Variants in RIMS2 observed in about 807,000 individuals in gnomAD.
RIMS2 encodes regulating synaptic membrane exocytosis 2.
A neutral mutation model predicts 174.4 loss-of-function variants in RIMS2; 59 were observed. That is an observed-to-expected ratio of 0.34 (90% CI 0.27 to 0.42). RIMS2 has a LOEUF of 0.42. Ranked by LOEUF, RIMS2 falls within the 10% of genes least tolerant of loss-of-function variation. The pLI is 1.00. For synonymous variants in RIMS2, 606 were observed against 572.5 expected (o/e 1.06, Z -0.84); for missense variants, 1,620 against 1,666.3 (o/e 0.97, Z 0.48).
chr8:103,885,074 A>C (rs899841084), intron 3 of RIMS2, among the ~76,000 whole-genome samples: 6 of 151,926 alleles, frequency 3.9e-5, no homozygotes, highest in African/African-American at 1.4e-4. Flanking sequence ...GCATAAGCAT[A>C]TTCCAGATAT....
At chr8:103,821,097 A>G (rs1296243551) in intron 3 of RIMS2, among the ~76,000 whole-genome samples, 1 of 151,584 alleles carries the variant, frequency 6.6e-6, no homozygotes, top group Admixed American at 6.6e-5. Context: ...AGGTATAGAA[A>G]TTATGCTATT....
intron 14 of RIMS2, among the ~76,000 whole-genome samples, chr8:103,944,473 G>T (rs1024719258): frequency 6.6e-6 from 1 of 151,790 alleles, no homozygotes; most frequent in African/African-American, 2.4e-5. Flanking sequence ...CTTTTCATTC[G>T]GGACTGGCCT....
chr8:104,211,767 G>T (rs2099106451), intron 19 of RIMS2, among the ~76,000 whole-genome samples: 1 of 152,136 alleles, frequency 6.6e-6, no homozygotes, highest in African/African-American at 2.4e-5. Context: ...GCCCAACTCG[G>T]CCTCCCAAAG....
At chr8:103,767,643 G>A (rs1472414009) in intron 3 of RIMS2, among the ~76,000 whole-genome samples, 1 of 152,154 alleles carries the variant, frequency 6.6e-6, no homozygotes, top group East Asian at 1.9e-4. Flanking sequence ...ATATAGTATG[G>A]TAGGTTCTTG....
intron 10 of RIMS2, among the ~76,000 whole-genome samples, chr8:103,927,597 A>G (rs1255085714): frequency 6.6e-6 from 1 of 151,526 alleles, no homozygotes; most frequent in African/African-American, 2.4e-5. Context: ...TGTTATGTGA[A>G]CTACATTTGA....
chr8:103,872,934 C>A (rs1040818669), intron 3 of RIMS2, among the ~76,000 whole-genome samples: 1 of 152,080 alleles, frequency 6.6e-6, no homozygotes, highest in African/African-American at 2.4e-5. Flanking sequence ...TTGTGTTTGC[C>A]ACATTCTGTT....
intron 1 of RIMS2, among the ~76,000 whole-genome samples, chr8:103,670,341 G>A (rs535386971): frequency 7.9e-5 from 12 of 152,354 alleles, no homozygotes; most frequent in African/African-American, 2.9e-4. Flanking sequence ...TGCTGCAAAA[G>A]TCTCTGACAT....
intron 4 of RIMS2, among the ~76,000 whole-genome samples, chr8:103,896,188 G>GA (rs749624547): frequency 9.9e-5 from 15 of 151,534 alleles, no homozygotes; most frequent in Admixed American, 1.3e-4. Context: ...CCTTAGGCTA[G>GA]AAAAATTGCT....
chr8:103,544,631 T>C (rs943204003), intron 1 of RIMS2, among the ~76,000 whole-genome samples: 1 of 152,342 alleles, frequency 6.6e-6, no homozygotes, highest in Admixed American at 6.5e-5. Context: ...CACAATGCCA[T>C]GTTCCTGTGG....
intron 3 of RIMS2, among the ~76,000 whole-genome samples, chr8:103,832,456 T>TGTTG (rs2098831789): frequency 6.6e-6 from 1 of 152,160 alleles, no homozygotes; most frequent in East Asian, 1.9e-4. Context: ...CATGGGGGTT[T>TGTTG]GTTGTACAGA....
intron 1 of RIMS2, among the ~76,000 whole-genome samples, chr8:103,657,812 T>C (rs764134434): frequency 6.6e-6 from 1 of 152,164 alleles, no homozygotes; most frequent in Non-Finnish European, 1.5e-5. Flanking sequence ...TGGGTTCTGA[T>C]TGGTTGGTAT....
At position 103,774,830 on chromosome 8, in the gene RIMS2, G is replaced by C. The variant is rs1435358685; in HGVS notation, c.698+8293G>C. ...ATAGGGGTATGGATTACTGGGTGAT[G>C]TATTTGTCAGTGGCTACTATAGCGG... is the stretch of plus-strand genomic sequence containing the variant. On this transcript the variant is annotated intron_variant, in intron 3 of 23. Coordinates refer to ENST00000504942, the Ensembl canonical transcript of RIMS2. Among the ~76,000 whole-genome samples the C allele has an allele frequency of 2.0e-5, 3 of 152,142 alleles. No homozygotes were observed. The East Asian group carries it at 5.8e-4, about 29-fold the overall frequency.
At chr8:103,553,800 T>A (rs555803690) in intron 1 of RIMS2, among the ~76,000 whole-genome samples, 97 of 152,242 alleles carry the variant, frequency 6.4e-4, no homozygotes, top group African/African-American at 2.2e-3. Flanking sequence ...GACTTCAAAC[T>A]ATACTACAAG....
chr8:104,040,340 G>T (rs926745043), intron 19 of RIMS2, among the ~76,000 whole-genome samples: 1 of 151,498 alleles, frequency 6.6e-6, no homozygotes, highest in African/African-American at 2.4e-5. Context: ...TGGTTTTGTG[G>T]CATATTGTTC....
chr8:103,876,870 A>G (rs1196642486), intron 3 of RIMS2, among the ~76,000 whole-genome samples: 1 of 19,750 alleles, frequency 5.1e-5, no homozygotes, highest in Non-Finnish European at 1.0e-4. Flanking sequence ...TATTTTATAT[A>G]TATATATATA....
chr8:103,928,009 C>T (rs1362978224), intron 11 of RIMS2: 11 of 705,494 alleles, frequency 1.6e-5, no homozygotes, highest in South Asian at 1.4e-4. Context: ...ATATTATTGA[C>T]TTTCAAATCA....
chr8:103,942,958 AT>A (rs777844615), intron 14 of RIMS2, 32 bp downstream of exon 16: 35 of 1,558,806 alleles, frequency 2.2e-5, no homozygotes, highest in Admixed American at 3.5e-5. Context: ...TCATATTTTT[AT>A]TGTATTTTCC....
chr8:103,846,181 C>A (rs1421367864), intron 3 of RIMS2, among the ~76,000 whole-genome samples: 1 of 152,068 alleles, frequency 6.6e-6, no homozygotes, highest in Non-Finnish European at 1.5e-5. Context: ...ATCTTGAAGT[C>A]TATTTTCTTT....
intron 3 of RIMS2, chr8:103,819,624 T>C (rs72681316): frequency 3.1e-6 from 5 of 1,609,982 alleles, no homozygotes; most frequent in Admixed American, 1.7e-5. Flanking sequence ...CACTGAACAA[T>C]GCAAGGTGAG....
Sources: allele counts gnomAD v4.1 joint callset (sites outside exome capture counted in the v4.1 genomes callset), GRCh38; gene constraint gnomAD v4.1.1; transcripts MANE v1.5; gene names NCBI Gene and HGNC (gene_info 2026-07-23, HGNC 2026-07-21).